Variants in CAST observed in about 807,000 individuals in gnomAD.
CAST encodes the protein MIR583 host.
A neutral mutation model predicts 119.6 loss-of-function variants in CAST; 76 were observed. The ratio of observed to expected loss-of-function variants is 0.64; its 90% CI spans 0.53 to 0.77. CAST has a LOEUF of 0.77. CAST is among the 30% of genes least tolerant of loss of function. The pLI is 0.00. For synonymous variants in CAST, 319 were observed against 331.6 expected, an observed-to-expected ratio of 0.96 and a Z score of 0.41; for missense variants, 953 against 946.5, an observed-to-expected ratio of 1.01 and a Z score of -0.09.
At chr5:96,147,332 C>T in the CAST span, among the ~76,000 whole-genome samples, 2 of 152,158 alleles carry the variant, frequency 1.3e-5, no homozygotes, top group Admixed American at 1.3e-4. Context: ...GGGCCGGGCG[C>T]GGTGGCTCAC....
At chr5:96,230,381 T>C in the CAST span, among the ~76,000 whole-genome samples, 31 of 152,274 alleles carry the variant, frequency 2.0e-4, no homozygotes, top group African/African-American at 6.5e-4. Flanking sequence ...AATTTATCTG[T>C]GGTTAGTGTT....
the CAST span, among the ~76,000 whole-genome samples, chr5:96,257,027 C>CTTAT: frequency 5.3e-3 from 804 of 152,270 alleles, 6 homozygotes; most frequent in African/African-American, 0.018. Context: ...CCAGATGGCG[C>CTTAT]TGTGATTCAT....
At chr5:95,993,771 T>G in the CAST span, among the ~76,000 whole-genome samples, 2 of 152,002 alleles carry the variant, frequency 1.3e-5, no homozygotes, top group South Asian at 4.1e-4. Context: ...TAAAGAACTC[T>G]TACAACCAAT....
the CAST span, among the ~76,000 whole-genome samples, chr5:96,081,014 A>C: frequency 2.6e-5 from 4 of 152,280 alleles, no homozygotes; most frequent in East Asian, 3.9e-4. Context: ...TTGGATTGTA[A>C]GTTTCAAAAG....
At chr5:96,144,802 G>C in the CAST span, among the ~76,000 whole-genome samples, 1 of 151,846 alleles carries the variant, frequency 6.6e-6, no homozygotes, top group African/African-American at 2.4e-5. Context: ...TCAGCCTCCT[G>C]AGTAGCTGGG....
chr5:96,179,615 G>T, the CAST span, among the ~76,000 whole-genome samples: 2 of 152,202 alleles, frequency 1.3e-5, no homozygotes, highest in African/African-American at 4.8e-5. Flanking sequence ...CAGAGAAGGC[G>T]GAGTTGTGCT....
chr5:96,099,046 G>C, the CAST span, among the ~76,000 whole-genome samples: 1 of 152,152 alleles, frequency 6.6e-6, no homozygotes, highest in African/African-American at 2.4e-5. Context: ...CACCTCCCTA[G>C]TGAGCTGTAT....
the CAST span, among the ~76,000 whole-genome samples, chr5:96,072,058 A>G: frequency 6.6e-6 from 1 of 152,222 alleles, no homozygotes; most frequent in African/African-American, 2.4e-5. Flanking sequence ...ACTTAAATTG[A>G]TAAAAAATAT....
the CAST span, chr5:95,970,236 A>G: frequency 1.3e-5 from 2 of 152,238 alleles, no homozygotes; most frequent in Non-Finnish European, 2.9e-5. Flanking sequence ...CTCATTGGGA[A>G]TGGCAGAAAA....
the CAST span, among the ~76,000 whole-genome samples, chr5:96,439,960 G>A: frequency 6.6e-6 from 1 of 152,238 alleles, no homozygotes; most frequent in Admixed American, 6.5e-5. Context: ...AACTGAAAGA[G>A]AAAACAAAGG....
At chr5:96,671,575 C>T (rs759139266) in intron 1 of CAST, among the ~76,000 whole-genome samples, 4 of 152,090 alleles carry the variant, frequency 2.6e-5, no homozygotes, top group Non-Finnish European at 4.4e-5. Context: ...TGAACCAAGG[C>T]GACAGTGGGT....
the CAST span, among the ~76,000 whole-genome samples, chr5:96,082,466 T>C: frequency 6.6e-6 from 1 of 152,188 alleles, no homozygotes; most frequent in East Asian, 1.9e-4. Flanking sequence ...ATTCACACTC[T>C]AGGTCCTCTG....
chr5:96,758,548 G>A (rs1352559930), intron 24 of CAST, among the ~76,000 whole-genome samples: 1 of 152,196 alleles, frequency 6.6e-6, no homozygotes, highest in Non-Finnish European at 1.5e-5. Flanking sequence ...GTTGGAAAGG[G>A]ATTAACAGTT....
the CAST span, among the ~76,000 whole-genome samples, chr5:96,113,552 C>T: frequency 6.6e-6 from 1 of 152,228 alleles, no homozygotes. Context: ...GTTTTAGGAA[C>T]TTAGTGCCAT....
At chr5:96,412,753 T>TG in the CAST span, among the ~76,000 whole-genome samples, 1 of 26,312 alleles carries the variant, frequency 3.8e-5, no homozygotes, top group Non-Finnish European at 1.1e-4. Context: ...AGCTGTGATG[T>TG]TTTTTTTTTT....
At chr5:96,470,262 A>C in the CAST span, among the ~76,000 whole-genome samples, 1 of 151,918 alleles carries the variant, frequency 6.6e-6, no homozygotes, top group African/African-American at 2.4e-5. Flanking sequence ...TAATATTGAA[A>C]CCACAGTTAT....
the CAST span, among the ~76,000 whole-genome samples, chr5:96,192,552 T>G: frequency 7.9e-5 from 12 of 152,358 alleles, no homozygotes; most frequent in East Asian, 1.7e-3. Context: ...AAGGTACATA[T>G]GACCCCAGTT....
chr5:96,069,351 ATGTATG>A, the CAST span, among the ~76,000 whole-genome samples: 11 of 88,184 alleles, frequency 1.2e-4, no homozygotes, highest in East Asian at 6.6e-4. Flanking sequence ...GCATGTGTGT[ATGTATG>A]TGTGTGTGTG....
At chr5:96,497,557 C>T in the CAST span, among the ~76,000 whole-genome samples, 1 of 152,056 alleles carries the variant, frequency 6.6e-6, no homozygotes, top group South Asian at 2.1e-4. Context: ...GCCATTCTAA[C>T]TGGTGTGAGA....
Sources: allele counts gnomAD v4.1 joint callset (sites outside exome capture counted in the v4.1 genomes callset), GRCh38; gene constraint gnomAD v4.1.1; transcripts MANE v1.5; gene names NCBI Gene and HGNC (gene_info 2026-07-23, HGNC 2026-07-21).